The following SYBU variants were observed in gnomAD, a reference collection of about 807,000 sequenced individuals.
SYBU encodes the protein GOLSYN A protein.
SYBU carries 21 observed loss-of-function variants against 35.9 expected under a neutral mutation model. The observed-to-expected ratio is 0.58, with a 90% CI of 0.41 to 0.84. SYBU has a LOEUF of 0.84. SYBU is among the 40% of genes least tolerant of loss of function. SYBU has a pLI of 0.00. For synonymous variants in SYBU, 319 were observed against 324.3 expected (o/e 0.98, Z 0.18); for missense variants, 768 against 848.2 (o/e 0.91, Z 1.17).
upstream of SYBU, chr8:109,645,048 A>G (rs1815487395): frequency 4.0e-6 from 2 of 498,068 alleles, no homozygotes; most frequent in Non-Finnish European, 7.7e-6. Flanking sequence ...CGGTGTAGGC[A>G]GGCTGCGGCT....
intron 3 of SYBU, among the ~76,000 whole-genome samples, chr8:109,612,817 T>C (rs1811324116): frequency 1.3e-5 from 2 of 152,106 alleles, no homozygotes; most frequent in Non-Finnish European, 1.5e-5. Context: ...CCGTCTCTAC[T>C]AAAAACACAA....
chr8:109,676,687 A>G (rs528191840), intron 1 of SYBU, among the ~76,000 whole-genome samples: 1 of 152,346 alleles, frequency 6.6e-6, no homozygotes, highest in South Asian at 2.1e-4. Context: ...CTTGTATACA[A>G]ATATAAATGA....
At chr8:109,579,547 C>G (rs1822765463) in intron 5 of SYBU, among the ~76,000 whole-genome samples, 1 of 152,146 alleles carries the variant, frequency 6.6e-6, no homozygotes, top group Admixed American at 6.5e-5. Flanking sequence ...GCCTCAGCCT[C>G]CTGCTGCCTC....
intron 1 of SYBU, among the ~76,000 whole-genome samples, chr8:109,655,841 G>A (rs1473167003): frequency 4.6e-5 from 7 of 152,184 alleles, no homozygotes; most frequent in African/African-American, 1.4e-4. Context: ...TAGACCAGGC[G>A]TGGTGGCTCA....
At chr8:109,648,372 G>T (rs914850460), upstream of SYBU, among the ~76,000 whole-genome samples, 3 of 150,512 alleles carry the variant, frequency 2.0e-5, no homozygotes, top group Non-Finnish European at 3.0e-5. Flanking sequence ...CCTCAAATCT[G>T]GGATAAGTTA....
intron 1 of SYBU, among the ~76,000 whole-genome samples, chr8:109,652,705 T>C (rs1261317929): frequency 1.3e-5 from 2 of 152,240 alleles, no homozygotes; most frequent in Non-Finnish European, 2.9e-5. Context: ...AATGCCTTTA[T>C]TCTAACTCTC....
At position 109,650,424 on chromosome 8, in the gene SYBU, C is replaced by T. The variant is rs193006896; in HGVS notation, c.-129+30287G>A. Among the ~76,000 whole-genome samples the T allele has an allele frequency of 1.2e-3, 185 of 152,280 alleles. 1 individual carries two copies. The highest frequency in any genetic ancestry group is 2.0e-3 in the Non-Finnish European group (134 of 68,026). On this transcript the variant is annotated intron_variant, in intron 1 of 5. Coordinates refer to the SYBU transcript ENST00000408889. ...ACTTTGAGTGTCTCTTCTCAAAGAG[C>T]AAGAACACTATTGCCAAATGGAGCT... is the stretch of plus-strand genomic sequence containing the variant.
chr8:109,577,206 A>T (rs1056330319), intron 6 of SYBU, among the ~76,000 whole-genome samples: 1 of 152,176 alleles, frequency 6.6e-6, no homozygotes, highest in Non-Finnish European at 1.5e-5. Context: ...TAGAGAATGC[A>T]CATGCCACCC....
rs762677533 is a variant in SYBU, at chr8:109,575,875, G to A, written c.1023C>T (p.Ile341=). The A allele has an allele frequency of 1.4e-5, 22 of 1,613,836 alleles. No homozygotes were observed. Among genetic ancestry groups the A allele is most frequent in the Non-Finnish European group, 1.8e-5 (21 of 1,179,960 alleles). ...RKEIKQLKQV[I]ETMRSSLADK... ...CAGCCAAGCTGCTCCGCATGGTTTC[G>A]ATGACCTGTTTGAGCTGTTTAATCT... Residue 341 remains isoleucine (I), a synonymous_variant, in exon 7 of 7, where the codon ATC becomes ATT. Coordinates refer to ENST00000276646, the MANE Select transcript of SYBU (RefSeq NM_001099754.2).
At chr8:109,580,113 A>C (rs1586727379) in intron 4 of SYBU, 111 bp from the exon 5 acceptor site, 1 of 1,013,132 alleles carries the variant, frequency 9.9e-7, no homozygotes, top group East Asian at 2.5e-5. Flanking sequence ...TGAAAGGCGC[A>C]ATACAATTAT....
chr8:109,609,943 C>T (rs1012235870), intron 3 of SYBU, among the ~76,000 whole-genome samples: 3 of 152,090 alleles, frequency 2.0e-5, no homozygotes, highest in Admixed American at 6.5e-5. Flanking sequence ...TCTACAGAGT[C>T]GTCAGAGGGA....
intron 3 of SYBU, among the ~76,000 whole-genome samples, chr8:109,596,070 C>T (rs1264399985): frequency 2.0e-5 from 3 of 152,200 alleles, no homozygotes; most frequent in Non-Finnish European, 2.9e-5. Context: ...TCTACTGATC[C>T]GTGCCCTTCT....
chr8:109,593,880 C>T (rs1824566824), intron 3 of SYBU, among the ~76,000 whole-genome samples: 1 of 152,220 alleles, frequency 6.6e-6, no homozygotes, highest in Non-Finnish European at 1.5e-5. Flanking sequence ...GTTACATCCA[C>T]CGTGGTCATA....
intron 3 of SYBU, among the ~76,000 whole-genome samples, chr8:109,610,314 T>C (rs1811030738): frequency 6.6e-6 from 1 of 152,208 alleles, no homozygotes; most frequent in African/African-American, 2.4e-5. Flanking sequence ...CCTGGAACAA[T>C]GGTGTCAGCA....
At chr8:109,660,381 T>C (rs1816517784) in intron 1 of SYBU, among the ~76,000 whole-genome samples, 1 of 152,204 alleles carries the variant, frequency 6.6e-6, no homozygotes, top group Admixed American at 6.5e-5. Context: ...GTTAGTATTG[T>C]ATCTTATCTC....
rs2130796174 is a variant in SYBU at position 109,691,475 on chromosome 8, C to T, written c.-200G>A. Reference sequence around the variant, plus strand: ...TGGTTTGCGCTCAGGCCCGGGGAGCCGGGCCCGGCCCGCTCCGCCCGCCTT... The same window carrying T: ...TGGTTTGCGCTCAGGCCCGGGGAGCTGGGCCCGGCCCGCTCCGCCCGCCTT... On this transcript the variant is annotated 5_prime_UTR_variant, in exon 1 of 8. Coordinates refer to the SYBU transcript ENST00000422135. This position sits in a 1 kb window ranked among gnomAD's most constrained non-coding sequence, Gnocchi z 4.7. 1 of 534,860 alleles carries T rather than the reference C, an allele frequency of 1.9e-6. No homozygotes were observed. The highest frequency in any genetic ancestry group is 3.5e-5 in the East Asian group (1 of 28,264). The allele number at this position is 534,860 out of a possible 1,614,324, so 33.1% of individuals were successfully genotyped here.
chr8:109,643,750 A>AC (rs1178125558), intron 1 of SYBU: 2 of 203,074 alleles, frequency 9.8e-6, no homozygotes, highest in African/African-American at 4.7e-5. Flanking sequence ...TTTGATCTTT[A>AC]CACACCAGAC....
At chr8:109,672,841 T>C (rs952516651) in intron 1 of SYBU, among the ~76,000 whole-genome samples, 11 of 152,010 alleles carry the variant, frequency 7.2e-5, no homozygotes, top group Admixed American at 5.9e-4. Context: ...TGGAGCTTGG[T>C]GGGGGGAGGG....
In SYBU at chr8:109,612,696, C is replaced by G. The variant is rs116012523; in HGVS notation, c.427+6146G>C. On this transcript the variant is annotated intron_variant, in intron 3 of 6. Transcript: ENST00000276646. ...GGCCTAAAACACTTAAAAGGCCACC[C>G]AGGCGGAGTGCGGTGGCTCACGCCT... 6.7e-3 allele frequency among the ~76,000 whole-genome samples: 1,011 copies of G among 151,122 alleles called. 9 individuals carry two copies. Among genetic ancestry groups the G allele is most frequent in the African/African-American group, 0.022 (912 of 40,874 alleles).
Sources: gnomAD v4.1 joint callset for allele counts (sites outside exome capture counted in the v4.1 genomes callset) on GRCh38, gnomAD v4.1.1 for gene constraint, Gnocchi (gnomAD v3.1) non-coding constraint, MANE v1.5 for transcripts, NCBI Gene and HGNC (gene_info 2026-07-23, HGNC 2026-07-21) for gene names.